The following CIMAP1D variants were observed in gnomAD, a reference collection of about 807,000 sequenced individuals.
The protein encoded by CIMAP1D is protein CIMAP1D.
At chr19:473,768 A>G in the CIMAP1D span, among the ~76,000 whole-genome samples, 145 of 48,100 alleles carry the variant, frequency 3.0e-3, no homozygotes, top group Middle Eastern at 0.011. Context: ...GAGATACACG[A>G]TCACAGATGG....
At chr19:485,768 G>A in the CIMAP1D span, among the ~76,000 whole-genome samples, 1 of 152,200 alleles carries the variant, frequency 6.6e-6, no homozygotes, top group African/African-American at 2.4e-5. Flanking sequence ...CCGATGACCT[G>A]CTGTTTCTGT....
chr19:484,883 G>A, the CIMAP1D span, among the ~76,000 whole-genome samples: 14 of 152,170 alleles, frequency 9.2e-5, no homozygotes, highest in African/African-American at 3.4e-4. Flanking sequence ...AGGAGGGCAC[G>A]GCCTGAATTG....
At chr19:491,107 A>AAC in the CIMAP1D span, among the ~76,000 whole-genome samples, 1 of 151,204 alleles carries the variant, frequency 6.6e-6, no homozygotes, top group Non-Finnish European at 1.5e-5. Context: ...AAAAAAAAAA[A>AAC]AAAGTCTACA....
chr19:484,133 CTTTTT>C, the CIMAP1D span, among the ~76,000 whole-genome samples: 18 of 136,986 alleles, frequency 1.3e-4, no homozygotes, highest in Admixed American at 6.4e-4. Context: ...CTTTTCTTTT[CTTTTT>C]CTTTTTTTTT....
chr19:464,130 G>C, the CIMAP1D span: 1 of 761,706 alleles, frequency 1.3e-6, no homozygotes, highest in South Asian at 1.7e-5. Flanking sequence ...AGGATCCTGC[G>C]GGGGGCGGGC....
the CIMAP1D span, among the ~76,000 whole-genome samples, chr19:479,419 G>GT: frequency 6.8e-6 from 1 of 146,830 alleles, no homozygotes; most frequent in Non-Finnish European, 1.5e-5. Flanking sequence ...TTTGGGGGGG[G>GT]GGGGGATGGA....
chr19:472,268 A>C, the CIMAP1D span: 1 of 504,512 alleles, frequency 2.0e-6, no homozygotes, highest in Non-Finnish European at 3.4e-6. Flanking sequence ...TGTACAGCCC[A>C]GCCCTGCCTG....
At chr19:488,415 G>A in the CIMAP1D span, among the ~76,000 whole-genome samples, 232 of 152,258 alleles carry the variant, frequency 1.5e-3, no homozygotes, top group African/African-American at 5.4e-3. Context: ...CCAGCTACTC[G>A]GGAGGCTGAG....
At chr19:464,124 T>G in the CIMAP1D span, 2 of 522,830 alleles carry the variant, frequency 3.8e-6, no homozygotes, top group Non-Finnish European at 6.0e-6. Flanking sequence ...CTCAGCAGGA[T>G]CCTGCGGGGG....
chr19:463,839 C>T, the CIMAP1D span: 1 of 1,605,554 alleles, frequency 6.2e-7, no homozygotes, highest in Middle Eastern at 2.1e-4. Flanking sequence ...GGAAACAGGC[C>T]TGGCCTAGCA....
the CIMAP1D span, chr19:472,607 G>A: frequency 1.2e-6 from 1 of 800,510 alleles, no homozygotes; most frequent in Non-Finnish European, 1.9e-6. Context: ...TCCCTCCATG[G>A]TGAGGATTGG....
At chr19:480,300 G>A in the CIMAP1D span, among the ~76,000 whole-genome samples, 3 of 152,238 alleles carry the variant, frequency 2.0e-5, no homozygotes, top group African/African-American at 7.2e-5. Context: ...GTGGACTGTG[G>A]GGACACGGGT....
At chr19:472,546 C>T in the CIMAP1D span, 30 of 1,367,432 alleles carry the variant, frequency 2.2e-5, no homozygotes, top group Middle Eastern at 2.4e-4. Context: ...CCAGATTCCC[C>T]GAAGAAGGAG....
the CIMAP1D span, among the ~76,000 whole-genome samples, chr19:467,315 G>A: frequency 6.6e-6 from 1 of 151,910 alleles, no homozygotes; most frequent in East Asian, 1.9e-4. Context: ...GGTGTGTCAG[G>A]TGTGCGGGCA....
chr19:485,974 CCT>C, the CIMAP1D span, among the ~76,000 whole-genome samples: 1 of 152,368 alleles, frequency 6.6e-6, no homozygotes, highest in East Asian at 1.9e-4. Context: ...GCTGCCCGCC[CCT>C]TTGTTCCCGG....
the CIMAP1D span, among the ~76,000 whole-genome samples, chr19:468,686 G>A: frequency 2.6e-5 from 4 of 152,212 alleles, no homozygotes; most frequent in Admixed American, 6.5e-5. Flanking sequence ...TGACAGATGC[G>A]CAGGCACCTG....
the CIMAP1D span, among the ~76,000 whole-genome samples, chr19:466,782 T>C: frequency 9.5e-6 from 1 of 104,736 alleles, no homozygotes; most frequent in African/African-American, 3.9e-5. Flanking sequence ...GATGAGTGGA[T>C]TGATGGATGG....
chr19:476,062 G>C, the CIMAP1D span, among the ~76,000 whole-genome samples: 4 of 137,270 alleles, frequency 2.9e-5, no homozygotes, highest in Admixed American at 2.3e-4. Context: ...GCAGTGGCGC[G>C]ATCTCGGCTC....
chr19:475,360 A>G, the CIMAP1D span, among the ~76,000 whole-genome samples: 1 of 152,222 alleles, frequency 6.6e-6, no homozygotes, highest in African/African-American at 2.4e-5. Flanking sequence ...GACGGAAAAG[A>G]AGGAGATGTT....
Sources: allele counts gnomAD v4.1 joint callset (sites outside exome capture counted in the v4.1 genomes callset), GRCh38; gene constraint gnomAD v4.1.1; transcripts MANE v1.5; gene names NCBI Gene and HGNC (gene_info 2026-07-23, HGNC 2026-07-21).